The following PPP1R9A variants were observed in gnomAD, a reference collection of about 807,000 sequenced individuals.
PPP1R9A encodes the protein protein phosphatase 1 regulatory subunit 9A, also known as neurabin-1.
A neutral mutation model predicts 141.9 loss-of-function variants in PPP1R9A; 59 were observed. That is an observed-to-expected ratio of 0.42 (90% CI 0.34 to 0.52). The LOEUF is 0.52. PPP1R9A is among the 20% of genes least tolerant of loss of function. The pLI is 0.10. For missense variants in PPP1R9A, 1,444 were observed against 1,611.9 expected, an observed-to-expected ratio of 0.90 and a Z score of 1.78; for synonymous variants, 500 against 569.7, an observed-to-expected ratio of 0.88 and a Z score of 1.74.
chr7:95,183,473 CAG>C (rs1197209366), intron 5 of PPP1R9A, among the ~76,000 whole-genome samples: 2 of 107,360 alleles, frequency 1.9e-5, no homozygotes, highest in Non-Finnish European at 3.7e-5. Context: ...TTTTTTGAGA[CAG>C]AGTCTTGCTC....
intron 3 of PPP1R9A, among the ~76,000 whole-genome samples, chr7:95,115,984 A>G (rs1222432388): frequency 6.6e-6 from 1 of 151,978 alleles, no homozygotes; most frequent in Non-Finnish European, 1.5e-5. Flanking sequence ...AAGGATATAG[A>G]GTGGTTCATT....
intron 2 of PPP1R9A, among the ~76,000 whole-genome samples, chr7:95,099,878 G>A (rs1040151731): frequency 6.6e-5 from 10 of 151,984 alleles, no homozygotes; most frequent in African/African-American, 2.2e-4. Flanking sequence ...TACCAATTAT[G>A]ATTGAATTCT....
chr7:95,038,237 G>GA (rs1808729032), intron 2 of PPP1R9A, among the ~76,000 whole-genome samples: 1 of 152,128 alleles, frequency 6.6e-6, no homozygotes, highest in East Asian at 1.9e-4. Flanking sequence ...CCCCCTCCCT[G>GA]AAATCTGGAG....
chr7:95,064,877 T>C (rs1812740971), intron 2 of PPP1R9A, among the ~76,000 whole-genome samples: 1 of 152,184 alleles, frequency 6.6e-6, no homozygotes, highest in South Asian at 2.1e-4. Context: ...ACATCTTTGA[T>C]TTAAATAATG....
intron 2 of PPP1R9A, among the ~76,000 whole-genome samples, chr7:95,076,037 C>A (rs575731635): frequency 1.3e-5 from 2 of 152,240 alleles, no homozygotes; most frequent in South Asian, 4.1e-4. Context: ...AAAAATATGT[C>A]ATCTTTACGA....
intron 5 of PPP1R9A, among the ~76,000 whole-genome samples, chr7:95,186,754 C>T (rs1239335579): frequency 6.6e-6 from 1 of 151,630 alleles, no homozygotes; most frequent in Non-Finnish European, 1.5e-5. Context: ...CAGTGCTTTT[C>T]CTGCATCTGT....
chr7:95,038,426 A>T (rs774881574), intron 2 of PPP1R9A, among the ~76,000 whole-genome samples: 2 of 152,124 alleles, frequency 1.3e-5, no homozygotes, highest in Non-Finnish European at 2.9e-5. Flanking sequence ...CATGGGCTTT[A>T]CCTATAAGGA....
chr7:94,995,824 C>T (rs759249269), intron 2 of PPP1R9A, among the ~76,000 whole-genome samples: 1 of 152,020 alleles, frequency 6.6e-6, no homozygotes, highest in Non-Finnish European at 1.5e-5. Flanking sequence ...TTTCTTGCTT[C>T]TTTACATTTC....
chr7:95,012,041 C>T (rs1804496457), intron 2 of PPP1R9A, among the ~76,000 whole-genome samples: 1 of 152,044 alleles, frequency 6.6e-6, no homozygotes, highest in Non-Finnish European at 1.5e-5. Flanking sequence ...GTAAAACTGT[C>T]AAAATAATAA....
intron 12 of PPP1R9A, among the ~76,000 whole-genome samples, chr7:95,259,570 G>A (rs1369334171): frequency 6.6e-6 from 1 of 152,062 alleles, no homozygotes; most frequent in African/African-American, 2.4e-5. Flanking sequence ...CTCAAAATCA[G>A]CAGCTCTTTT....
chr7:95,079,324 C>G (rs1463154759), intron 2 of PPP1R9A, among the ~76,000 whole-genome samples: 1 of 152,122 alleles, frequency 6.6e-6, no homozygotes, highest in Non-Finnish European at 1.5e-5. Flanking sequence ...GGGCTCTGTT[C>G]TGTTCCATTG....
rs1198838902 is a variant in PPP1R9A at position 95,219,224 on chromosome 7, A to G, written c.1957-6737A>G. 1.2e-4 allele frequency among the ~76,000 whole-genome samples: 19 copies of G among 152,078 alleles called. No homozygotes were observed. In the South Asian group the frequency reaches 2.5e-3, roughly 20 times the overall value. The stretch of plus-strand genomic sequence containing the variant: ...AAAGGATTTTATTTCTCCTTCACTT[A>G]TGAAGCTTAGTTTGGCTGGATATGA... On this transcript the variant is annotated intron_variant, in intron 7 of 19. Transcript: ENST00000433360.
chr7:95,161,119 T>C (rs527806481), intron 4 of PPP1R9A, among the ~76,000 whole-genome samples: 136 of 152,222 alleles, frequency 8.9e-4, no homozygotes, highest in Non-Finnish European at 9.6e-4. Flanking sequence ...GTGGCTGAAC[T>C]AATTTATATT....
chr7:95,241,514 G>T (rs1438431593), intron 8 of PPP1R9A, among the ~76,000 whole-genome samples: 4 of 152,040 alleles, frequency 2.6e-5, no homozygotes, highest in African/African-American at 4.8e-5. Flanking sequence ...GTTCATTTTT[G>T]ATTGTGAGTT....
At chr7:95,246,730 C>T (rs926845285) in intron 8 of PPP1R9A, among the ~76,000 whole-genome samples, 5 of 152,062 alleles carry the variant, frequency 3.3e-5, no homozygotes, top group African/African-American at 1.2e-4. Context: ...TTTATTGATC[C>T]CCTAAGGAAA....
intron 12 of PPP1R9A, among the ~76,000 whole-genome samples, chr7:95,266,680 G>C (rs1282217418): frequency 6.6e-6 from 1 of 152,114 alleles, no homozygotes; most frequent in Non-Finnish European, 1.5e-5. Context: ...ATGAGATAGA[G>C]TATGTGGCAT....
intron 5 of PPP1R9A, among the ~76,000 whole-genome samples, chr7:95,178,687 C>T (rs193207742): frequency 3.2e-4 from 49 of 151,988 alleles, no homozygotes; most frequent in Admixed American, 1.6e-3. Flanking sequence ...AGAAACAAAA[C>T]GGGAGCTATT....
intron 4 of PPP1R9A, among the ~76,000 whole-genome samples, chr7:95,124,845 G>A (rs1823281156): frequency 6.6e-6 from 1 of 150,542 alleles, no homozygotes; most frequent in Non-Finnish European, 1.5e-5. Flanking sequence ...CCTCCTTCCT[G>A]CCCCCACAAG....
intron 5 of PPP1R9A, among the ~76,000 whole-genome samples, chr7:95,190,648 C>A (rs796900095): frequency 6.6e-6 from 1 of 152,226 alleles, no homozygotes; most frequent in Non-Finnish European, 1.5e-5. Context: ...CTAAGTTGGT[C>A]GGCCTCCATC....
Sources: gnomAD v4.1 joint callset for allele counts (sites outside exome capture counted in the v4.1 genomes callset) on GRCh38, gnomAD v4.1.1 for gene constraint, MANE v1.5 for transcripts, NCBI Gene and HGNC (gene_info 2026-07-23, HGNC 2026-07-21) for gene names.